The following PACRG variants were observed in gnomAD, a reference collection of about 807,000 sequenced individuals.
PACRG encodes the protein parkin coregulated gene protein.
A neutral mutation model predicts 29.7 loss-of-function variants in PACRG; 29 were observed. That is an observed-to-expected ratio of 0.98 (90% CI 0.73 to 1.33). PACRG has a LOEUF of 1.33. Ranked by LOEUF, PACRG falls within the 40% of genes most tolerant of loss-of-function variation. The pLI is 0.00. For synonymous variants in PACRG, 116 were observed against 118.7 expected (o/e 0.98, Z 0.15); for missense variants, 279 against 316.2 (o/e 0.88, Z 0.89).
intron 4 of PACRG, among the ~76,000 whole-genome samples, chr6:163,157,198 C>T (rs898396124): frequency 2.6e-5 from 4 of 152,190 alleles, no homozygotes; most frequent in East Asian, 1.9e-4. Flanking sequence ...CTCCATCCTC[C>T]GTCCCGCGTC....
intron 2 of PACRG, among the ~76,000 whole-genome samples, chr6:162,948,508 C>T (rs967210717): frequency 2.6e-5 from 4 of 152,032 alleles, no homozygotes; most frequent in Non-Finnish European, 5.9e-5. Flanking sequence ...GACCTTAAAA[C>T]CATAGGCAAA....
chr6:163,068,693 G>A (rs767761586), intron 3 of PACRG, among the ~76,000 whole-genome samples: 15 of 151,668 alleles, frequency 9.9e-5, no homozygotes, highest in Non-Finnish European at 1.8e-4. Flanking sequence ...CTACTCTGTC[G>A]CTTAGTTCTA....
At chr6:163,259,370 C>T (rs960428779) in intron 4 of PACRG, among the ~76,000 whole-genome samples, 4 of 152,176 alleles carry the variant, frequency 2.6e-5, no homozygotes, top group African/African-American at 9.7e-5. Context: ...CCCCATTCAC[C>T]GTGTAGAACC....
At chr6:163,151,910 A>G (rs1431089870) in intron 4 of PACRG, among the ~76,000 whole-genome samples, 1 of 152,214 alleles carries the variant, frequency 6.6e-6, no homozygotes, top group Non-Finnish European at 1.5e-5. Context: ...TCCTATTTAT[A>G]CTTTTGAGCC....
At chr6:162,947,354 T>TG (rs374880210) in intron 2 of PACRG, among the ~76,000 whole-genome samples, 7 of 47,108 alleles carry the variant, frequency 1.5e-4, no homozygotes, top group Admixed American at 2.7e-4. Flanking sequence ...TGATTACATA[T>TG]ATATAATGTA....
At chr6:163,171,606 T>C (rs1779089270) in intron 4 of PACRG, among the ~76,000 whole-genome samples, 3 of 152,182 alleles carry the variant, frequency 2.0e-5, no homozygotes, top group African/African-American at 2.4e-5. Flanking sequence ...GTGCAAAAAG[T>C]TCAAAATTAA....
intron 4 of PACRG, among the ~76,000 whole-genome samples, chr6:163,193,929 G>T (rs1209320467): frequency 7.5e-6 from 1 of 134,046 alleles, no homozygotes; most frequent in Non-Finnish European, 1.5e-5. Flanking sequence ...GTCTCATTCT[G>T]TCACCCAGGC....
intron 2 of PACRG, among the ~76,000 whole-genome samples, chr6:162,816,607 T>C (rs1268093321): frequency 1.3e-5 from 2 of 152,114 alleles, no homozygotes; most frequent in African/African-American, 2.4e-5. Context: ...CTGTCTCAGC[T>C]TCCCAAAGTG....
intron 4 of PACRG, among the ~76,000 whole-genome samples, chr6:163,118,518 G>A (rs552275489): frequency 1.1e-4 from 17 of 152,254 alleles, no homozygotes; most frequent in East Asian, 5.8e-4. Context: ...ATAGATCCCC[G>A]TTTCTGGGTC....
rs571479300 is a variant in PACRG, at chr6:162,902,471, ACTTT to A, written c.291+88191_291+88194del. On this transcript the variant is annotated intron_variant, in intron 2 of 4. Coordinates refer to ENST00000366888, the MANE Select transcript of PACRG (RefSeq NM_001080379.2). ...GCATAACATTCTACATTATATTTTT[ACTTT>A]TAAGAAACAAAATGTTTTTCCTGTC... Among the ~76,000 whole-genome samples the A allele has an allele frequency of 2.6e-5, 4 of 152,314 alleles. No homozygotes were observed. The East Asian group carries it at 7.7e-4, about 29-fold the overall frequency.
At chr6:162,735,286 T>C (rs1780079497) in intron 1 of PACRG, among the ~76,000 whole-genome samples, 1 of 152,186 alleles carries the variant, frequency 6.6e-6, no homozygotes, top group South Asian at 2.1e-4. Flanking sequence ...CCCTAAGTCA[T>C]GCTTGTTTGG....
At chr6:163,191,468 C>G in intron 4 of PACRG, 1 of 359,550 alleles carries the variant, frequency 2.8e-6, no homozygotes, top group Non-Finnish European at 5.5e-6. Flanking sequence ...TCTGCACCAC[C>G]CTTGGGGGAG....
At chr6:162,744,248 C>A (rs989556288) in intron 1 of PACRG, among the ~76,000 whole-genome samples, 1 of 152,046 alleles carries the variant, frequency 6.6e-6, no homozygotes, top group East Asian at 1.9e-4. Flanking sequence ...TATTCTGGAT[C>A]ATTAAATGCA....
chr6:162,966,761 C>G (rs1801068859), intron 2 of PACRG, among the ~76,000 whole-genome samples: 1 of 151,924 alleles, frequency 6.6e-6, no homozygotes, highest in East Asian at 1.9e-4. Context: ...CAGGCGTGAG[C>G]CCCCGCACCC....
intron 4 of PACRG, among the ~76,000 whole-genome samples, chr6:163,255,841 G>A (rs1783085008): frequency 1.3e-5 from 2 of 152,100 alleles, no homozygotes; most frequent in Middle Eastern, 3.2e-3. Context: ...TTACCATGTT[G>A]TCCAGGTTGG....
chr6:162,858,545 T>C (rs1791592570), intron 2 of PACRG, among the ~76,000 whole-genome samples: 1 of 152,184 alleles, frequency 6.6e-6, no homozygotes, highest in African/African-American at 2.4e-5. Context: ...CTGAGAACCT[T>C]AGAGCAAAGG....
At chr6:163,091,885 G>T (rs530756651) in intron 4 of PACRG, among the ~76,000 whole-genome samples, 2 of 152,212 alleles carry the variant, frequency 1.3e-5, no homozygotes, top group East Asian at 3.9e-4. Context: ...CTTAGTAACA[G>T]ATATAATTAT....
chr6:162,880,969 C>CT (rs1476163915), intron 2 of PACRG, among the ~76,000 whole-genome samples: 1 of 152,226 alleles, frequency 6.6e-6, no homozygotes, highest in Non-Finnish European at 1.5e-5. Context: ...CACGCTCTGT[C>CT]TGTACATTTA....
chr6:162,828,451 C>T (rs1788466079), intron 2 of PACRG, among the ~76,000 whole-genome samples: 1 of 152,216 alleles, frequency 6.6e-6, no homozygotes, highest in Non-Finnish European at 1.5e-5. Flanking sequence ...ATTTGCTAGG[C>T]ATTACCTGAG....
Sources: gnomAD v4.1 joint callset for allele counts (sites outside exome capture counted in the v4.1 genomes callset) on GRCh38, gnomAD v4.1.1 for gene constraint, MANE v1.5 for transcripts, NCBI Gene and HGNC (gene_info 2026-07-23, HGNC 2026-07-21) for gene names.